CCDC141: variants seen among roughly 807,000 people sequenced by gnomAD.
CCDC141 encodes coiled-coil domain containing 141, also known as coiled-coil domain-containing protein 141.
CCDC141 carries 168 observed loss-of-function variants against 181.0 expected under a neutral mutation model. The observed-to-expected ratio is 0.93, with a 90% CI of 0.82 to 1.05. The LOEUF (loss-of-function observed/expected upper bound fraction) is 1.05. Among genes scored for constraint, CCDC141 ranks in the 50% least tolerant of loss-of-function variants. CCDC141 has a pLI of 0.00. For synonymous variants in CCDC141, 666 were observed against 642.3 expected, an observed-to-expected ratio of 1.04 and a Z score of -0.56; for missense variants, 1,902 against 1,788.5, an observed-to-expected ratio of 1.06 and a Z score of -1.14.
chr2:178,844,629 A>G (rs1684859624), intron 22 of CCDC141, among the ~76,000 whole-genome samples: 1 of 152,208 alleles, frequency 6.6e-6, no homozygotes, highest in Non-Finnish European at 1.5e-5. Context: ...TGCTGGTTGT[A>G]TAACTGCACC....
At position 178,918,757 on chromosome 2, in the gene CCDC141, T is replaced by C. The variant is rs756628418; in HGVS notation, c.1048A>G (p.Thr350Ala). Residue 350 changes from threonine (T) to alanine (A), a missense_variant, in exon 7 of 24, where the codon ACC becomes GCC. Coordinates refer to ENST00000443758, the MANE Select transcript of CCDC141 (RefSeq NM_173648.4). ...AATTCATTCGCCTTCTTTAACCAGG[T>C]ATTCCTTTCCACCATGAGTTGACCA... ...EFGQLMVERN[T>A]WLKKANEFFN... is the part of the protein sequence containing the mutation. The C allele has an allele frequency of 9.0e-6, 14 of 1,550,428 alleles. No individual in the cohort carries two copies. In the East Asian group the frequency reaches 3.4e-4, roughly 38 times the overall value.
In CCDC141 at chr2:178,867,514, T is replaced by C. The variant is rs192460592; in HGVS notation, c.2574+512A>G. 2.1e-3 allele frequency among the ~76,000 whole-genome samples: 321 copies of C among 152,344 alleles called. 2 individuals are homozygous for C. The highest frequency in any genetic ancestry group is 7.2e-3 in the African/African-American group (300 of 41,584). On this transcript the variant is annotated intron_variant, in intron 16 of 23. Coordinates refer to ENST00000443758, the MANE Select transcript of CCDC141 (RefSeq NM_173648.4). ...TGGTGTGTATTTCATACTTTGAGCTTCCTCATTTGTTGCTAAATTTCGATC... is the reference window on the plus strand; with the variant it reads ...TGGTGTGTATTTCATACTTTGAGCTCCCTCATTTGTTGCTAAATTTCGATC...
At chr2:178,909,331 C>T (rs901112296) in intron 7 of CCDC141, among the ~76,000 whole-genome samples, 3 of 152,288 alleles carry the variant, frequency 2.0e-5, no homozygotes, top group Non-Finnish European at 4.4e-5. Context: ...ATAAATTGTT[C>T]TGTGTATCAC....
intron 21 of CCDC141, 124 bp from the exon 22 acceptor site, chr2:178,845,866 A>G: frequency 1.4e-6 from 1 of 704,708 alleles, no homozygotes; most frequent in Non-Finnish European, 2.6e-6. Flanking sequence ...TCCACAAGAG[A>G]CTGGTGTACT....
intron 2 of CCDC141, among the ~76,000 whole-genome samples, chr2:178,986,855 G>T (rs1482038635): frequency 6.6e-6 from 1 of 151,098 alleles, no homozygotes; most frequent in Non-Finnish European, 1.5e-5. Context: ...ATGCTCATGG[G>T]TAGGAAGAAT....
chr2:178,873,274 A>G (rs1686200178), intron 12 of CCDC141: 1 of 139,298 alleles, frequency 7.2e-6, no homozygotes, highest in African/African-American at 2.8e-5. Flanking sequence ...ATGTTATTTT[A>G]CACATTATAA....
At chr2:178,887,746 G>A (rs1462455506) in intron 9 of CCDC141, among the ~76,000 whole-genome samples, 1 of 152,196 alleles carries the variant, frequency 6.6e-6, no homozygotes, top group Non-Finnish European at 1.5e-5. Flanking sequence ...GCCTTCTCCA[G>A]TGAAGTCTAC....
intron 2 of CCDC141, among the ~76,000 whole-genome samples, chr2:178,995,135 A>G (rs1692224773): frequency 6.6e-6 from 1 of 152,182 alleles, no homozygotes; most frequent in Non-Finnish European, 1.5e-5. Flanking sequence ...ATCCCGCTCT[A>G]CGGGTACCAA....
At chr2:178,933,070 A>G (rs1404206134) in intron 6 of CCDC141, among the ~76,000 whole-genome samples, 1 of 152,222 alleles carries the variant, frequency 6.6e-6, no homozygotes, top group Admixed American at 6.5e-5. Flanking sequence ...AGTAACAACT[A>G]GAAAATATTT....
At chr2:178,845,885 G>T in intron 21 of CCDC141, 143 bp from the exon 22 acceptor site, 1 of 652,200 alleles carries the variant, frequency 1.5e-6, no homozygotes. Flanking sequence ...CTCCCATGAT[G>T]TGATTTATAA....
chr2:179,026,285 C>T (rs2042841652), intron 2 of CCDC141, among the ~76,000 whole-genome samples: 1 of 152,202 alleles, frequency 6.6e-6, no homozygotes, highest in Non-Finnish European at 1.5e-5. Flanking sequence ...CCCAGGGTTC[C>T]TGTGCTGTGC....
the CCDC141 span, among the ~76,000 whole-genome samples, chr2:178,822,957 T>C: frequency 2.0e-5 from 3 of 152,216 alleles, no homozygotes; most frequent in African/African-American, 7.2e-5. Context: ...GGAGTCTGTT[T>C]GAGCCAACCT....
Position 178,865,909 on chromosome 2 carries a change from G to T in CCDC141, c.2582C>A (p.Ser861Tyr). 1 of 1,578,668 alleles carries T rather than the reference G, an allele frequency of 6.3e-7. No homozygotes were observed. Among genetic ancestry groups the T allele is most frequent in the South Asian group, 1.2e-5 (1 of 84,874 alleles). Reference protein sequence around the residue: ...IISSVQRPHCSNVSAKNLQQQ... With the variant: ...IISSVQRPHCYNVSAKNLQQQ... ...CTGTAGGTTCTTTGCAGAAACATTA[G>T]AGCAGTGCTAAAAGAGACAAATGGT... Residue 861 changes from serine to tyrosine, a missense_variant, in exon 17 of 24, where the codon TCT becomes TAT. Physicochemically the swap from Ser to Tyr is moderately radical, Grantham distance 144. Transcript: ENST00000443758.
At chr2:178,860,031 C>T (rs569073000) in intron 17 of CCDC141, among the ~76,000 whole-genome samples, 1 of 152,304 alleles carries the variant, frequency 6.6e-6, no homozygotes, top group South Asian at 2.1e-4. Context: ...AAAAGAAAGC[C>T]TTTCCTTAGA....
At chr2:178,951,045 A>T (rs572628494) in intron 5 of CCDC141, among the ~76,000 whole-genome samples, 1 of 152,326 alleles carries the variant, frequency 6.6e-6, no homozygotes, top group African/African-American at 2.4e-5. Context: ...TCCAGTGGAC[A>T]AAATCAGTAC....
chr2:178,879,145 T>C (rs1413049206), intron 11 of CCDC141, among the ~76,000 whole-genome samples: 4 of 152,218 alleles, frequency 2.6e-5, no homozygotes, highest in African/African-American at 9.6e-5. Context: ...TCAGAGTTTA[T>C]GTAAAATCAA....
chr2:178,896,297 T>C (rs1015660725), intron 8 of CCDC141, among the ~76,000 whole-genome samples: 2 of 152,162 alleles, frequency 1.3e-5, no homozygotes, highest in Non-Finnish European at 2.9e-5. Flanking sequence ...TGTGTCTCCC[T>C]TCTCTGAAGA....
At chr2:178,820,562 T>C in the CCDC141 span, among the ~76,000 whole-genome samples, 4 of 152,204 alleles carry the variant, frequency 2.6e-5, no homozygotes, top group Admixed American at 2.6e-4. Context: ...GGAAGAAAAT[T>C]GTGAACTATA....
At chr2:178,856,129 C>G (rs574224804) in intron 18 of CCDC141, 128 bp downstream of exon 18, 105 of 698,728 alleles carry the variant, frequency 1.5e-4, no homozygotes, top group Non-Finnish European at 2.1e-4. Context: ...AGAAAAATAC[C>G]CTTTGAGTCC....
Sources: allele counts gnomAD v4.1 joint callset (sites outside exome capture counted in the v4.1 genomes callset), GRCh38; gene constraint gnomAD v4.1.1; transcripts MANE v1.5; gene names NCBI Gene and HGNC (gene_info 2026-07-23, HGNC 2026-07-21).